Variants in MEGF10 observed in about 807,000 individuals in gnomAD.
MEGF10 encodes multiple epidermal growth factor-like domains protein 10.
A neutral mutation model predicts 147.5 loss-of-function variants in MEGF10; 86 were observed. The ratio of observed to expected loss-of-function variants is 0.58; its 90% CI spans 0.49 to 0.70. The LOEUF is 0.70. Among genes scored for constraint, MEGF10 ranks in the 30% least tolerant of loss-of-function variants. MEGF10 has a pLI of 0.00. For missense variants in MEGF10, 1,329 were observed against 1,487.3 expected, an observed-to-expected ratio of 0.89 and a Z score of 1.75; for synonymous variants, 478 against 525.5, an observed-to-expected ratio of 0.91 and a Z score of 1.24.
chr5:127,295,845 T>C (rs894830201), intron 1 of MEGF10, among the ~76,000 whole-genome samples: 2 of 152,252 alleles, frequency 1.3e-5, no homozygotes, highest in African/African-American at 4.8e-5. Flanking sequence ...TAAGAATTAA[T>C]ACAAGATTCA....
At position 127,325,907 on chromosome 5, in the gene MEGF10, ATAT is replaced by A. The variant is rs1440825055; in HGVS notation, c.-18-5382_-18-5380del. Reference sequence around the variant, plus strand: ...TGTGTGTATATATATATATATATATATATTTTTTTTTTTTTAAGACAGGGACTT... The same window carrying A: ...TGTGTGTATATATATATATATATATATTTTTTTTTTTTAAGACAGGGACTT... On this transcript the variant is annotated intron_variant, in intron 1 of 24. Coordinates refer to ENST00000503335, the MANE Select transcript of MEGF10 (RefSeq NM_001256545.2). 0.012 allele frequency among the ~76,000 whole-genome samples: 172 copies of A among 14,154 alleles called. 2 individuals carry two copies. The Middle Eastern group carries it at 0.14, about 12-fold the overall frequency. 9.3% of individuals were successfully genotyped at this position (14,154 alleles called of 152,430 possible). A position where few individuals can be genotyped will look rare whatever the true frequency, so the allele number is the denominator to read the frequency against.
At chr5:127,414,472 A>G (rs1327988831) in intron 9 of MEGF10, among the ~76,000 whole-genome samples, 1 of 152,132 alleles carries the variant, frequency 6.6e-6, no homozygotes, top group Non-Finnish European at 1.5e-5. Context: ...GTTCACTTAC[A>G]ATATCATCAC....
the MEGF10 span, among the ~76,000 whole-genome samples, chr5:127,267,898 AT>A: frequency 7.9e-5 from 12 of 151,962 alleles, no homozygotes; most frequent in Non-Finnish European, 1.8e-4. Flanking sequence ...TTTTTGAAGG[AT>A]TTTTTATGTC....
the MEGF10 span, among the ~76,000 whole-genome samples, chr5:127,282,367 C>T: frequency 3.2e-4 from 49 of 152,180 alleles, no homozygotes; most frequent in African/African-American, 1.1e-3. Flanking sequence ...CTGGTGGTGT[C>T]GAAGTTGGTT....
chr5:127,278,128 G>C, the MEGF10 span, among the ~76,000 whole-genome samples: 1 of 151,986 alleles, frequency 6.6e-6, no homozygotes, highest in Non-Finnish European at 1.5e-5. Flanking sequence ...CTGAGACCTG[G>C]GCACTTCAAA....
chr5:127,310,406 A>G (rs376500635), intron 1 of MEGF10, among the ~76,000 whole-genome samples: 1 of 152,022 alleles, frequency 6.6e-6, no homozygotes, highest in Non-Finnish European at 1.5e-5. Context: ...AAAAATTTTT[A>G]AATTGTGATG....
At chr5:127,410,289 C>A in intron 8 of MEGF10, 100 bp from the exon 9 acceptor site, 1 of 1,095,418 alleles carries the variant, frequency 9.1e-7, no homozygotes, top group South Asian at 1.4e-5. Flanking sequence ...GAGCAAAAAG[C>A]AGCTTCGATT....
chr5:127,321,172 C>T (rs553186082), intron 1 of MEGF10, among the ~76,000 whole-genome samples: 2 of 152,120 alleles, frequency 1.3e-5, no homozygotes, highest in Non-Finnish European at 2.9e-5. Context: ...TACAAATGAG[C>T]TCTGTGATCA....
At chr5:127,364,014 A>G (rs761170357) in intron 4 of MEGF10, among the ~76,000 whole-genome samples, 4 of 152,204 alleles carry the variant, frequency 2.6e-5, no homozygotes, top group Non-Finnish European at 5.9e-5. Context: ...AAAGATATCC[A>G]CTTTTTCAGC....
At position 127,410,592 on chromosome 5, in the gene MEGF10, A is replaced by G. The variant is rs1460246204; in HGVS notation, c.1121A>G (p.Asn374Ser). 1.9e-6 allele frequency: 3 copies of G among 1,603,990 alleles called. No homozygotes were observed. Among genetic ancestry groups the G allele is most frequent in the Non-Finnish European group, 2.5e-6 (3 of 1,178,614 alleles). ...CDKRCPCHLENTHSCHPMSGE... is the reference protein window; with the variant it reads ...CDKRCPCHLESTHSCHPMSGE... ...AAACGGTGTCCCTGCCACCTGGAAAACACTCATAGGTGAGTGTCAGCTTCC... is the reference window on the plus strand; with the variant it reads ...AAACGGTGTCCCTGCCACCTGGAAAGCACTCATAGGTGAGTGTCAGCTTCC... The change falls in exon 9 of 25, where the codon AAC becomes AGC. Residue 374 changes from asparagine to serine, a missense_variant. Physicochemically the swap from Asn to Ser is conservative, Grantham distance 46. This residue lies in a region of MEGF10 where 980 missense variants were observed against 1,085.9 expected (regional missense o/e 0.90). Coordinates refer to ENST00000503335, the MANE Select transcript of MEGF10 (RefSeq NM_001256545.2).
At chr5:127,432,178 C>T (rs1015547284) in intron 13 of MEGF10, among the ~76,000 whole-genome samples, 1 of 152,092 alleles carries the variant, frequency 6.6e-6, no homozygotes, top group African/African-American at 2.4e-5. Context: ...GCCTTTACCA[C>T]GTGGGAGACT....
chr5:127,435,499 G>T lies in MEGF10; in HGVS notation c.2104+10G>T, dbSNP rs1765525363. ...AGTGACTGCTCTCAACGTAAGTCTT[G>T]TTTGAGAACAATTAATAAACTGTTC... On this transcript the variant is annotated intron_variant, in intron 16 of 24. Transcript: ENST00000503335. 6.2e-7 allele frequency: 1 copy of T among 1,609,428 alleles called. No individual in the cohort carries two copies. The highest frequency in any genetic ancestry group is 1.7e-5 in the Admixed American group (1 of 59,272).
At chr5:127,287,528 A>G (rs936717448), upstream of MEGF10, among the ~76,000 whole-genome samples, 5 of 151,966 alleles carry the variant, frequency 3.3e-5, no homozygotes, top group Admixed American at 1.3e-4. Context: ...CATTTTTTAA[A>G]TTGTGTGTAA....
intron 23 of MEGF10, 58 bp downstream of exon 23, chr5:127,454,668 A>G: frequency 2.1e-6 from 3 of 1,461,604 alleles, no homozygotes; most frequent in Non-Finnish European, 2.8e-6. Context: ...TTTAACCTCA[A>G]AGACTGAAAT....
intron 1 of MEGF10, among the ~76,000 whole-genome samples, chr5:127,326,455 A>G (rs1761038211): frequency 6.6e-6 from 1 of 152,170 alleles, no homozygotes; most frequent in Admixed American, 6.6e-5. Context: ...AGTCATGCTA[A>G]TGCCTTAAGG....
chr5:127,393,060 T>A lies in MEGF10; in HGVS notation c.413-3472T>A, dbSNP rs572268645. On this transcript the variant is annotated intron_variant, in intron 5 of 24. Coordinates refer to ENST00000503335, the MANE Select transcript of MEGF10 (RefSeq NM_001256545.2). ...CAATTTAATCTGAAATAAAATTCTG[T>A]TCCTTTACTTCTTTTTTAAAAATTA... is the stretch of plus-strand genomic sequence containing the variant. 2.1e-3 allele frequency among the ~76,000 whole-genome samples: 317 copies of A among 152,312 alleles called. 1 individual carries two copies. The highest frequency in any genetic ancestry group is 7.2e-3 in the African/African-American group (300 of 41,564).
At chr5:127,266,255 C>G in the MEGF10 span, among the ~76,000 whole-genome samples, 2 of 151,408 alleles carry the variant, frequency 1.3e-5, no homozygotes, top group African/African-American at 2.4e-5. Context: ...ATTTCTGAGG[C>G]CTCTCTTCTG....
intron 1 of MEGF10, among the ~76,000 whole-genome samples, chr5:127,322,095 G>T (rs1760810159): frequency 6.7e-6 from 1 of 148,830 alleles, no homozygotes; most frequent in African/African-American, 2.5e-5. Context: ...AAATAATAAT[G>T]CTTTAGGTTA....
chr5:127,450,789 C>T lies in MEGF10; in HGVS notation c.2980+1567C>T, dbSNP rs190661699. Among the ~76,000 whole-genome samples, 441 of 152,098 alleles carry T rather than the reference C, an allele frequency of 2.9e-3. 1 individual carries two copies. The highest frequency in any genetic ancestry group is 5.6e-3 in the Non-Finnish European group (378 of 67,994). ...TGTTTTTGTTTTTGAGACAGAGTCT[C>T]GCTCTGTCGTCTAGGCTGTAGTGCA... is the stretch of plus-strand genomic sequence containing the variant. On this transcript the variant is annotated intron_variant, in intron 22 of 24. Transcript: ENST00000503335.
Sources: gnomAD v4.1 joint callset for allele counts (sites outside exome capture counted in the v4.1 genomes callset) on GRCh38, gnomAD v4.1.1 for gene constraint, gnomAD v4.1.1 regional missense constraint, MANE v1.5 for transcripts, NCBI Gene and HGNC (gene_info 2026-07-23, HGNC 2026-07-21) for gene names.